The following WWC1 variants were observed in gnomAD, a reference collection of about 807,000 sequenced individuals.
WWC1 encodes protein KIBRA.
WWC1 carries 55 observed loss-of-function variants against 138.4 expected under a neutral mutation model. That is an observed-to-expected ratio of 0.40 (90% CI 0.32 to 0.50). The LOEUF is 0.50. WWC1 is among the 20% of genes least tolerant of loss of function. The probability of loss-of-function intolerance (pLI) is 0.72; values close to 1 mark genes in which losing one functional copy is unlikely to be tolerated. For missense variants in WWC1, 1,226 were observed against 1,420.4 expected (o/e 0.86, Z 2.20); for synonymous variants, 524 against 564.9 (o/e 0.93, Z 1.03).
chr5:168,446,231 T>C (rs1015700326), intron 17 of WWC1, among the ~76,000 whole-genome samples: 3 of 82,656 alleles, frequency 3.6e-5, no homozygotes, highest in African/African-American at 1.9e-4. Context: ...TCTCCCATTA[T>C]TAAAAAAAAA....
intron 1 of WWC1, among the ~76,000 whole-genome samples, chr5:168,366,825 T>TTTG: frequency 8.4e-6 from 1 of 118,840 alleles, no homozygotes. Flanking sequence ...TTTTTTTTTT[T>TTTG]TTGAGATGGA....
chr5:168,377,045 A>G (rs1419058916), intron 2 of WWC1, among the ~76,000 whole-genome samples: 1 of 152,238 alleles, frequency 6.6e-6, no homozygotes, highest in Non-Finnish European at 1.5e-5. Context: ...ATAAGGCTGC[A>G]GTATCCAAAA....
Position 168,397,879 on chromosome 5 carries a change from A to G in WWC1, c.510+79A>G, listed in dbSNP as rs1351692706. 68 of 1,482,864 alleles carry G rather than the reference A, an allele frequency of 4.6e-5. No homozygotes were observed. In the Middle Eastern group the frequency reaches 5.6e-4, roughly 12 times the overall value. 91.9% of individuals were successfully genotyped at this position (1,482,864 alleles called of 1,614,324 possible). A position where few individuals can be genotyped will look rare whatever the true frequency, so the allele number is the denominator to read the frequency against. Reference sequence around the variant, plus strand: ...AGGCCACAAGCCCACCCACAAGACCAGAACAGATGCTCCAGCCAGGCTATG... The same window carrying G: ...AGGCCACAAGCCCACCCACAAGACCGGAACAGATGCTCCAGCCAGGCTATG... On this transcript the variant is annotated intron_variant, in intron 4 of 22. Coordinates refer to ENST00000265293, the MANE Select transcript of WWC1 (RefSeq NM_015238.3).
intron 2 of WWC1, among the ~76,000 whole-genome samples, chr5:168,373,030 T>G (rs1055282730): frequency 6.6e-6 from 1 of 152,190 alleles, no homozygotes. Flanking sequence ...AATTGCATTG[T>G]TGGGGGTAGC....
chr5:168,292,380 T>C lies in WWC1; in HGVS notation c.119+109T>C, dbSNP rs1769129338. On this transcript the variant is annotated intron_variant, in intron 1 of 22. Coordinates refer to ENST00000265293, the MANE Select transcript of WWC1 (RefSeq NM_015238.3). This position sits in a 1 kb window ranked among gnomAD's most constrained non-coding sequence, Gnocchi z 4.4. Reference sequence around the variant, plus strand: ...AGGGGGCAGGGGAGCTCTGCGTGCCTCTTGAGCTCTCTTCAGTTCGCCACC... The same window carrying C: ...AGGGGGCAGGGGAGCTCTGCGTGCCCCTTGAGCTCTCTTCAGTTCGCCACC... The C allele has an allele frequency of 6.2e-6, 8 of 1,285,482 alleles. No individual in the cohort carries two copies. Among genetic ancestry groups the C allele is most frequent in the Non-Finnish European group, 1.1e-6 (1 of 940,476 alleles). The allele number at this position is 1,285,482 out of a possible 1,614,324, so 79.6% of individuals were successfully genotyped here. A position where few individuals can be genotyped will look rare whatever the true frequency, so the allele number is the denominator to read the frequency against.
chr5:168,342,915 C>A (rs946810551), intron 1 of WWC1, among the ~76,000 whole-genome samples: 19 of 152,160 alleles, frequency 1.2e-4, no homozygotes, highest in Non-Finnish European at 2.6e-4. Flanking sequence ...CAAGTGCCCA[C>A]CACCAAGTAT....
intron 1 of WWC1, among the ~76,000 whole-genome samples, chr5:168,366,672 C>A (rs568233678): frequency 1.3e-5 from 2 of 152,220 alleles, no homozygotes; most frequent in Non-Finnish European, 2.9e-5. Context: ...AAGGCTGGAA[C>A]AATCAGTGGA....
rs1397318780 is a variant in WWC1 at position 168,292,583 on chromosome 5, T to C, written c.119+312T>C. On this transcript the variant is annotated intron_variant, in intron 1 of 22. Transcript: ENST00000265293. The surrounding 1 kb of genome is among the most constrained non-coding windows in gnomAD (Gnocchi z 4.4). ...AAGCTCTAGCCCCGCCCGCCCCCTT[T>C]AGGAAGAGAGGTCGGGCGGGGGCGG... is the stretch of plus-strand genomic sequence containing the variant. 1.3e-5 allele frequency among the ~76,000 whole-genome samples: 2 copies of C among 151,630 alleles called. No individual in the cohort carries two copies. Among genetic ancestry groups the C allele is most frequent in the East Asian group, 3.9e-4 (2 of 5,088 alleles).
intron 1 of WWC1, among the ~76,000 whole-genome samples, chr5:168,361,179 C>T (rs902183928): frequency 2.0e-5 from 3 of 152,148 alleles, no homozygotes; most frequent in African/African-American, 7.2e-5. Flanking sequence ...AAGGAATGGA[C>T]TGAGATTACA....
At chr5:168,388,821 C>G (rs1778238136) in intron 3 of WWC1, among the ~76,000 whole-genome samples, 1 of 150,998 alleles carries the variant, frequency 6.6e-6, no homozygotes, top group African/African-American at 2.4e-5. Context: ...CAGAGCGAGA[C>G]TCCATCTCAA....
chr5:168,362,014 C>T (rs1170589734), intron 1 of WWC1, among the ~76,000 whole-genome samples: 1 of 152,132 alleles, frequency 6.6e-6, no homozygotes, highest in Non-Finnish European at 1.5e-5. Flanking sequence ...ACCCGGGAGG[C>T]AGAGGTTGCA....
chr5:168,306,754 A>T (rs1862351), intron 1 of WWC1, among the ~76,000 whole-genome samples: 1 of 151,824 alleles, frequency 6.6e-6, no homozygotes, highest in South Asian at 2.1e-4. Context: ...GCACCACCAC[A>T]CCCAGCTAAT....
intron 9 of WWC1, among the ~76,000 whole-genome samples, chr5:168,417,981 C>T (rs1243792380): frequency 6.6e-6 from 1 of 152,188 alleles, no homozygotes; most frequent in African/African-American, 2.4e-5. Context: ...CCTTCTGACT[C>T]ATATTCTGTT....
chr5:168,372,035 G>A (rs62384064), intron 2 of WWC1, among the ~76,000 whole-genome samples: 19 of 119,836 alleles, frequency 1.6e-4, no homozygotes, highest in East Asian at 2.4e-4. Flanking sequence ...GAGAGAGAGA[G>A]AGAGAGAAAG....
intron 1 of WWC1, among the ~76,000 whole-genome samples, chr5:168,365,414 C>G (rs1159400533): frequency 2.0e-5 from 3 of 152,270 alleles, no homozygotes; most frequent in East Asian, 3.9e-4. Context: ...CTGGGACTTG[C>G]TTGGGAAACA....
At chr5:168,466,371 C>A (rs900621410) in intron 21 of WWC1, among the ~76,000 whole-genome samples, 1 of 152,152 alleles carries the variant, frequency 6.6e-6, no homozygotes, top group Non-Finnish European at 1.5e-5. Context: ...ATACCTGCCA[C>A]TCTGTGATCG....
chr5:168,330,856 T>TAA (rs1772978369), intron 1 of WWC1, among the ~76,000 whole-genome samples: 1 of 152,154 alleles, frequency 6.6e-6, no homozygotes, highest in Non-Finnish European at 1.5e-5. Context: ...ATCTTCTGAC[T>TAA]ATAAAAAGAG....
intron 1 of WWC1, among the ~76,000 whole-genome samples, chr5:168,342,287 G>A (rs781294080): frequency 2.0e-5 from 3 of 152,168 alleles, no homozygotes; most frequent in Non-Finnish European, 4.4e-5. Flanking sequence ...AGGAGCTGAC[G>A]GAGCTGATGG....
chr5:168,350,376 G>A (rs1358609067), intron 1 of WWC1, among the ~76,000 whole-genome samples: 1 of 152,178 alleles, frequency 6.6e-6, no homozygotes, highest in Non-Finnish European at 1.5e-5. Context: ...TTAGAGAGGT[G>A]GGTTCCTCAG....
Sources: gnomAD v4.1 joint callset for allele counts (sites outside exome capture counted in the v4.1 genomes callset) on GRCh38, gnomAD v4.1.1 for gene constraint, Gnocchi (gnomAD v3.1) non-coding constraint, MANE v1.5 for transcripts, NCBI Gene and HGNC (gene_info 2026-07-23, HGNC 2026-07-21) for gene names.